TGM4: variants seen among roughly 807,000 people sequenced by gnomAD.
TGM4 encodes the protein protein-glutamine gamma-glutamyltransferase 4.
Under a neutral mutation model 76.3 loss-of-function variants are expected in TGM4, and 61 were observed. The observed-to-expected ratio is 0.80, with a 90% CI of 0.65 to 0.99. The LOEUF is 0.99. Ranked by LOEUF, TGM4 falls within the 50% of genes least tolerant of loss-of-function variation. The pLI is 0.00. For missense variants in TGM4, 794 were observed against 843.2 expected (o/e 0.94, Z 0.72); for synonymous variants, 337 against 329.8 (o/e 1.02, Z -0.24).
At chr3:44,907,690 G>C (rs1430131122) in intron 10 of TGM4, among the ~76,000 whole-genome samples, 2 of 152,102 alleles carry the variant, frequency 1.3e-5, no homozygotes, top group East Asian at 3.9e-4. Context: ...ACCTGAAAAT[G>C]CTGGCTACTT....
At position 44,903,875 on chromosome 3, in the gene TGM4, T is replaced by G. The variant is rs746178205; in HGVS notation, c.972-9T>G. 1.3e-5 allele frequency: 21 copies of G among 1,613,966 alleles called. No homozygotes were observed. In the Admixed American group the frequency reaches 3.3e-4, roughly 26 times the overall value. ...GTCCGGGGTGGGGCCCGTTCCCAATTTGCGGCAGGAATTTCCATGTGTGGA... is the reference window on the plus strand; with the variant it reads ...GTCCGGGGTGGGGCCCGTTCCCAATGTGCGGCAGGAATTTCCATGTGTGGA... On this transcript the variant is annotated splice_polypyrimidine_tract_variant and intron_variant, in intron 8 of 13. Coordinates refer to ENST00000296125, the MANE Select transcript of TGM4 (RefSeq NM_003241.4).
intron 1 of TGM4, among the ~76,000 whole-genome samples, chr3:44,880,540 T>TG (rs1280063465): frequency 6.6e-6 from 1 of 151,844 alleles, no homozygotes; most frequent in African/African-American, 2.4e-5. Flanking sequence ...ATATGGACAC[T>TG]GGGGGGTGGG....
chr3:44,904,912 C>T (rs1699902356), intron 9 of TGM4, among the ~76,000 whole-genome samples: 1 of 151,954 alleles, frequency 6.6e-6, no homozygotes, highest in Non-Finnish European at 1.5e-5. Context: ...AAACTCCTGA[C>T]CTCACGTGCT....
chr3:44,904,218 A>T (rs1486591256), intron 9 of TGM4, among the ~76,000 whole-genome samples: 4 of 149,346 alleles, frequency 2.7e-5, no homozygotes, highest in Non-Finnish European at 6.0e-5. Flanking sequence ...GAGCAATGAG[A>T]TGGTGGCACT....
At chr3:44,887,011 G>C (rs1699617151) in intron 2 of TGM4, among the ~76,000 whole-genome samples, 1 of 152,198 alleles carries the variant, frequency 6.6e-6, no homozygotes, top group South Asian at 2.1e-4. Context: ...CTGAGAGCAG[G>C]GTGTTCCCAG....
rs57611128 is a variant in TGM4, at chr3:44,879,265, CTATATATA to C, written c.19+4583_19+4590del. ...TCTCTCTCTCTCTCTCTCTCTCTCT[CTATATATA>C]TATATATATATATAGTTTATTTAAT... On this transcript the variant is annotated intron_variant, in intron 1 of 13. Transcript: ENST00000296125. 2.5e-3 allele frequency among the ~76,000 whole-genome samples: 228 copies of C among 92,270 alleles called. 1 individual carries two copies. The highest frequency in any genetic ancestry group is 5.7e-3 in the African/African-American group (130 of 22,652). The allele number at this position is 92,270 out of a possible 152,430, so 60.5% of individuals were successfully genotyped here. A position where few individuals can be genotyped will look rare whatever the true frequency, so the allele number is the denominator to read the frequency against.
chr3:44,913,696 G>T lies in TGM4; in HGVS notation c.2026G>T (p.Ala676Ser). 1 of 1,614,148 alleles carries T rather than the reference G, an allele frequency of 6.2e-7. No homozygotes were observed. Among genetic ancestry groups the T allele is most frequent in the Non-Finnish European group, 8.5e-7 (1 of 1,180,008 alleles). The change falls in exon 14 of 14, where the codon GCT (alanine) becomes TCT (serine). Residue 676 changes from alanine (A) to serine (S), a missense_variant. Coordinates refer to ENST00000296125, the MANE Select transcript of TGM4 (RefSeq NM_003241.4). Reference protein sequence around the residue: ...LSSKQVKEINAQKIVLITK With the variant: ...LSSKQVKEINSQKIVLITK ...TTCCAAACAAGTGAAAGAGATTAAT[G>T]CTCAGAAGATTGTTCTCATCACCAA...
In TGM4 at chr3:44,910,161, CCTGTAAAAGAGAA is replaced by C; in HGVS notation, c.1402_1414del (p.Val468PhefsTer21). 6.2e-7 allele frequency: 1 copy of C among 1,614,156 alleles called. No individual in the cohort carries two copies. The highest frequency in any genetic ancestry group is 8.5e-7 in the Non-Finnish European group (1 of 1,180,038). The stretch of plus-strand genomic sequence containing the variant: ...CAGTTCTGAGAGGGAGCACAGACGA[CCTGTAAAAGAGAA>C]CTTTCTTCACATGTCGGTACAATCA... On this transcript the variant is annotated frameshift_variant, in exon 11 of 14. Transcript: ENST00000296125. LOFTEE classifies it high-confidence loss of function.
At chr3:44,913,388 G>A (rs961979675) in intron 13 of TGM4, among the ~76,000 whole-genome samples, 196 bp from the exon 14 acceptor site, 6 of 152,194 alleles carry the variant, frequency 3.9e-5, no homozygotes, top group Non-Finnish European at 5.9e-5. Flanking sequence ...TGGTTCACCC[G>A]TCTTGCTTTA....
intron 9 of TGM4, among the ~76,000 whole-genome samples, chr3:44,905,882 C>G (rs892776576): frequency 6.6e-6 from 1 of 152,170 alleles, no homozygotes; most frequent in African/African-American, 2.4e-5. Context: ...ATTGAGGGCT[C>G]TTTCCATCCA....
chr3:44,897,846 A>C (rs1214434087), intron 6 of TGM4, among the ~76,000 whole-genome samples: 1 of 152,208 alleles, frequency 6.6e-6, no homozygotes, highest in Non-Finnish European at 1.5e-5. Context: ...TAGTGAGAAG[A>C]GTGGCATTGT....
chr3:44,913,519 ATCTTCTCCC>A, intron 13 of TGM4, 56 bp from the exon 14 acceptor site: 2 of 1,561,394 alleles, frequency 1.3e-6, no homozygotes, highest in Non-Finnish European at 1.7e-6. Context: ...CACCCAACTC[ATCTTCTCCC>A]TCTTCCCATA....
At chr3:44,902,726 A>G (rs984657555) in intron 8 of TGM4, among the ~76,000 whole-genome samples, 1 of 152,232 alleles carries the variant, frequency 6.6e-6, no homozygotes, top group African/African-American at 2.4e-5. Flanking sequence ...GAGATCTGAT[A>G]TATACCACTG....
At chr3:44,887,658 T>C in intron 2 of TGM4, 31 bp from the exon 3 acceptor site, 5 of 1,607,902 alleles carry the variant, frequency 3.1e-6, no homozygotes, top group Non-Finnish European at 4.3e-6. Context: ...GGCCCATGGC[T>C]GGGCCAATGT....
intron 6 of TGM4, among the ~76,000 whole-genome samples, chr3:44,898,228 C>T (rs930182418): frequency 6.7e-6 from 1 of 149,238 alleles, no homozygotes; most frequent in South Asian, 2.1e-4. Context: ...TTGCAGTGAG[C>T]CAAGATCGCA....
At chr3:44,875,047 G>A (rs1442767766) in intron 1 of TGM4, among the ~76,000 whole-genome samples, 2 of 152,202 alleles carry the variant, frequency 1.3e-5, no homozygotes, top group Non-Finnish European at 2.9e-5. Flanking sequence ...GAACTCTTGA[G>A]AGTAAGTTGC....
At chr3:44,902,468 C>T (rs1203745505) in intron 8 of TGM4, among the ~76,000 whole-genome samples, 4 of 152,144 alleles carry the variant, frequency 2.6e-5, no homozygotes, top group Non-Finnish European at 4.4e-5. Flanking sequence ...GGCATAGTGG[C>T]ACGTGCCTGT....
intron 6 of TGM4, among the ~76,000 whole-genome samples, chr3:44,897,969 A>G: frequency 6.6e-6 from 1 of 152,154 alleles, no homozygotes; most frequent in East Asian, 1.9e-4. Flanking sequence ...CTGGCCTCAC[A>G]CGGATACGTA....
rs774748730 is a variant in TGM4 at position 44,890,741 on chromosome 3, A to T, written c.430+9A>T. ...CAACCCATGGTGTAAAGGTACTGTG[A>T]ATCTCAGGTCTGCTGGGGAATGGCA... On this transcript the variant is annotated intron_variant, in intron 4 of 13. Coordinates refer to ENST00000296125, the MANE Select transcript of TGM4 (RefSeq NM_003241.4). 1 of 1,613,644 alleles carries T rather than the reference A, an allele frequency of 6.2e-7. No homozygotes were observed. The highest frequency in any genetic ancestry group is 1.7e-5 in the Admixed American group (1 of 59,984).
Sources: gnomAD v4.1 joint callset for allele counts (sites outside exome capture counted in the v4.1 genomes callset) on GRCh38, gnomAD v4.1.1 for gene constraint, MANE v1.5 for transcripts, NCBI Gene and HGNC (gene_info 2026-07-23, HGNC 2026-07-21) for gene names.